The following MAML2 variants were observed in gnomAD, a reference collection of about 807,000 sequenced individuals.
MAML2 encodes the protein mastermind like transcriptional coactivator 2, also known as mastermind-like protein 2.
Under a neutral mutation model 96.1 loss-of-function variants are expected in MAML2, and 22 were observed. The ratio of observed to expected loss-of-function variants is 0.23; its 90% CI spans 0.16 to 0.33. The LOEUF (loss-of-function observed/expected upper bound fraction) is 0.33. Ranked by LOEUF, MAML2 falls within the 10% of genes least tolerant of loss-of-function variation. The pLI is 1.00. For synonymous variants in MAML2, 561 were observed against 521.3 expected, an observed-to-expected ratio of 1.08 and a Z score of -1.04; for missense variants, 1,367 against 1,392.4, an observed-to-expected ratio of 0.98 and a Z score of 0.29.
Position 96,092,039 on chromosome 11 carries a change from TTGC to T in MAML2, c.1989_1991del (p.Gln665del), listed in dbSNP as rs149006316. On this transcript the variant is annotated inframe_deletion, in exon 2 of 5. Transcript: ENST00000524717. This position sits in a 1 kb window ranked among gnomAD's most constrained non-coding sequence, Gnocchi z 4.1. ...ATTGGGCAGGCTGAGAAGATGGTTG[TTGC>T]TGCTGCTGCTGCTGCTGTTGTTGCT... is the stretch of plus-strand genomic sequence containing the variant. 5.6e-3 allele frequency: 8,698 copies of T among 1,557,652 alleles called. 376 individuals carry two copies. In the African/African-American group the frequency reaches 0.099, roughly 18 times the overall value.
At chr11:96,095,990 C>CA (rs992266103) in intron 1 of MAML2, among the ~76,000 whole-genome samples, 8 of 152,196 alleles carry the variant, frequency 5.3e-5, no homozygotes, top group African/African-American at 1.9e-4. Context: ...AGCAGAAACT[C>CA]AGAGTTACCA....
intron 1 of MAML2, among the ~76,000 whole-genome samples, chr11:96,099,707 G>A (rs1308570159): frequency 1.3e-5 from 2 of 152,060 alleles, no homozygotes; most frequent in Non-Finnish European, 2.9e-5. Flanking sequence ...TGGGTTGTGG[G>A]GAATATTTTC....
intron 2 of MAML2, among the ~76,000 whole-genome samples, chr11:96,049,107 T>G (rs1858951448): frequency 1.3e-5 from 2 of 152,350 alleles, no homozygotes; most frequent in South Asian, 4.1e-4. Flanking sequence ...CTCATGTTAC[T>G]TAGCAGGTCT....
chr11:96,003,510 T>C (rs1349619627), intron 2 of MAML2, among the ~76,000 whole-genome samples: 2 of 152,138 alleles, frequency 1.3e-5, no homozygotes, highest in African/African-American at 4.8e-5. Flanking sequence ...TAAGCAAATA[T>C]ATATACATTT....
At chr11:96,038,171 T>C (rs993953405) in intron 2 of MAML2, among the ~76,000 whole-genome samples, 9 of 152,104 alleles carry the variant, frequency 5.9e-5, no homozygotes, top group Non-Finnish European at 8.8e-5. Flanking sequence ...TACTGTCTTG[T>C]GCATTAGTAA....
At chr11:96,225,851 A>G (rs982307456) in intron 1 of MAML2, among the ~76,000 whole-genome samples, 4 of 152,110 alleles carry the variant, frequency 2.6e-5, no homozygotes, top group African/African-American at 9.7e-5. Context: ...AAAATTAGAT[A>G]ACCAATACAG....
At chr11:96,076,474 A>G (rs1471113189) in intron 2 of MAML2, among the ~76,000 whole-genome samples, 1 of 135,900 alleles carries the variant, frequency 7.4e-6, no homozygotes, top group Non-Finnish European at 1.6e-5. Flanking sequence ...ACACACACAC[A>G]GCCCTTCAGA....
intron 2 of MAML2, among the ~76,000 whole-genome samples, chr11:96,048,004 C>G (rs976499763): frequency 6.6e-6 from 1 of 150,626 alleles, no homozygotes; most frequent in Admixed American, 6.6e-5. Flanking sequence ...AGGAATGAGT[C>G]TAATCCTTCT....
intron 1 of MAML2, among the ~76,000 whole-genome samples, chr11:96,260,617 G>T (rs1281984574): frequency 6.6e-6 from 1 of 152,124 alleles, no homozygotes; most frequent in Non-Finnish European, 1.5e-5. Flanking sequence ...GACTATGAGA[G>T]AAAGGCATAG....
intron 1 of MAML2, among the ~76,000 whole-genome samples, chr11:96,333,375 T>A (rs910678096): frequency 3.9e-5 from 6 of 152,160 alleles, no homozygotes; most frequent in Admixed American, 2.0e-4. Flanking sequence ...AGATAAAAAT[T>A]TTTGACTACA....
At chr11:96,113,339 C>T (rs959851986) in intron 1 of MAML2, among the ~76,000 whole-genome samples, 5 of 152,050 alleles carry the variant, frequency 3.3e-5, no homozygotes, top group Admixed American at 3.3e-4. Context: ...TACTTTGAGT[C>T]TGTATTTTCA....
rs971647786 is a variant in MAML2, at chr11:96,092,822, T to A, written c.1209A>T (p.Pro403=). ...MANSALSTSS[P]IPSVPQSQAQ... ...CCTGGCTCTGAGGGACTGAAGGGAT[T>A]GGAGACGAAGTGGAGAGGGCAGAGT... Residue 403 remains proline (P), a synonymous_variant, in exon 2 of 5, where the codon CCA becomes CCT. Coordinates refer to ENST00000524717, the MANE Select transcript of MAML2 (RefSeq NM_032427.4). This position sits in a 1 kb window ranked among gnomAD's most constrained non-coding sequence, Gnocchi z 4.1. The A allele has an allele frequency of 1.9e-6, 3 of 1,609,836 alleles. No individual in the cohort carries two copies. Among genetic ancestry groups the A allele is most frequent in the Non-Finnish European group, 2.5e-6 (3 of 1,177,318 alleles).
At chr11:96,289,488 T>C (rs1228553512) in intron 1 of MAML2, among the ~76,000 whole-genome samples, 1 of 152,188 alleles carries the variant, frequency 6.6e-6, no homozygotes, top group Non-Finnish European at 1.5e-5. Flanking sequence ...GGATTTGAAA[T>C]AGAGTCCAGA....
intron 3 of MAML2, 151 bp downstream of exon 3, chr11:95,991,369 G>A (rs1287563920): frequency 4.1e-6 from 3 of 724,500 alleles, no homozygotes; most frequent in African/African-American, 3.5e-5. Context: ...TCTTCCTGCA[G>A]TACACTAAAT....
chr11:96,272,281 G>A (rs1862927268), intron 1 of MAML2, among the ~76,000 whole-genome samples: 1 of 152,042 alleles, frequency 6.6e-6, no homozygotes, highest in Admixed American at 6.6e-5. Flanking sequence ...CATATAGTAG[G>A]ACTCAATAAA....
At chr11:96,006,824 C>T (rs11021379) in intron 2 of MAML2, among the ~76,000 whole-genome samples, 35,125 of 149,548 alleles carry the variant, frequency 0.23, 4,412 homozygotes, top group East Asian at 0.38. Flanking sequence ...CCTCCCAAAG[C>T]GCTGAGATTA....
chr11:96,163,646 GTC>G (rs894391525), intron 1 of MAML2, among the ~76,000 whole-genome samples: 2 of 152,092 alleles, frequency 1.3e-5, no homozygotes, highest in African/African-American at 4.8e-5. Flanking sequence ...CATCTATCTA[GTC>G]TCTCTCTACA....
At chr11:96,145,907 G>C (rs1047528964) in intron 1 of MAML2, among the ~76,000 whole-genome samples, 15 of 152,192 alleles carry the variant, frequency 9.9e-5, no homozygotes, top group African/African-American at 3.6e-4. Flanking sequence ...TACTAGGGAG[G>C]CTGAGGCAGG....
intron 1 of MAML2, among the ~76,000 whole-genome samples, chr11:96,106,285 T>C (rs1860019412): frequency 6.6e-6 from 1 of 152,200 alleles, no homozygotes. Flanking sequence ...AAAATAAAAC[T>C]TTTGGCAGGT....
Sources: gnomAD v4.1 joint callset for allele counts (sites outside exome capture counted in the v4.1 genomes callset) on GRCh38, gnomAD v4.1.1 for gene constraint, Gnocchi (gnomAD v3.1) non-coding constraint, MANE v1.5 for transcripts, NCBI Gene and HGNC (gene_info 2026-07-23, HGNC 2026-07-21) for gene names.